ADAMTS3: variants seen among roughly 807,000 people sequenced by gnomAD.
The protein encoded by ADAMTS3 is A disintegrin and metalloproteinase with thrombospondin motifs 3.
ADAMTS3 carries 73 observed loss-of-function variants against 129.0 expected under a neutral mutation model. The ratio of observed to expected loss-of-function variants is 0.57; its 90% CI spans 0.47 to 0.69. The LOEUF is 0.69. Ranked by LOEUF, ADAMTS3 falls within the 30% of genes least tolerant of loss-of-function variation. The probability of loss-of-function intolerance (pLI) is 0.00; values close to 1 mark genes in which losing one functional copy is unlikely to be tolerated. For missense variants in ADAMTS3, 1,457 were observed against 1,514.5 expected, an observed-to-expected ratio of 0.96 and a Z score of 0.63; for synonymous variants, 477 against 510.8, an observed-to-expected ratio of 0.93 and a Z score of 0.89.
At chr4:72,357,416 C>T (rs1720607857) in intron 4 of ADAMTS3, among the ~76,000 whole-genome samples, 1 of 151,826 alleles carries the variant, frequency 6.6e-6, no homozygotes, top group Non-Finnish European at 1.5e-5. Context: ...TAATTTTAGA[C>T]AACCAACTAG....
At chr4:72,434,047 G>T (rs916722411) in intron 3 of ADAMTS3, among the ~76,000 whole-genome samples, 1 of 151,580 alleles carries the variant, frequency 6.6e-6, no homozygotes, top group African/African-American at 2.4e-5. Flanking sequence ...AAATATAAAT[G>T]GCAAGTCCCA....
At chr4:72,443,987 A>C (rs1718186435) in intron 3 of ADAMTS3, among the ~76,000 whole-genome samples, 1 of 151,690 alleles carries the variant, frequency 6.6e-6, no homozygotes, top group Non-Finnish European at 1.5e-5. Flanking sequence ...CAGACAAGTA[A>C]TCACCATAGT....
intron 4 of ADAMTS3, among the ~76,000 whole-genome samples, chr4:72,377,289 A>C (rs1721158242): frequency 6.6e-6 from 1 of 152,082 alleles, no homozygotes; most frequent in African/African-American, 2.4e-5. Context: ...ATCTACCCAA[A>C]TCTTTCCAAT....
At chr4:72,360,508 T>C (rs1164101799) in intron 4 of ADAMTS3, among the ~76,000 whole-genome samples, 1 of 151,460 alleles carries the variant, frequency 6.6e-6, no homozygotes, top group Non-Finnish European at 1.5e-5. Context: ...GTAAAGACAC[T>C]TTTTATGAGA....
At chr4:72,508,212 T>A (rs573659647) in intron 3 of ADAMTS3, among the ~76,000 whole-genome samples, 3 of 152,272 alleles carry the variant, frequency 2.0e-5, no homozygotes, top group Middle Eastern at 3.4e-3. Flanking sequence ...CTCCTCTCTA[T>A]AAATTACAGC....
intron 2 of ADAMTS3, among the ~76,000 whole-genome samples, chr4:72,566,229 G>T (rs1339810344): frequency 6.6e-6 from 1 of 152,132 alleles, no homozygotes; most frequent in Non-Finnish European, 1.5e-5. Flanking sequence ...GGAGCATTTT[G>T]ATATATGCTC....
intron 4 of ADAMTS3, among the ~76,000 whole-genome samples, chr4:72,380,258 G>T (rs928893558): frequency 2.6e-5 from 4 of 152,034 alleles, no homozygotes; most frequent in Admixed American, 2.0e-4. Flanking sequence ...GCTATTATGA[G>T]AGCAAAGACC....
chr4:72,294,619 T>A (rs1268002602), intron 19 of ADAMTS3, among the ~76,000 whole-genome samples: 2 of 151,986 alleles, frequency 1.3e-5, no homozygotes, highest in African/African-American at 4.8e-5. Context: ...AGCACAACGA[T>A]GAGTAAAAAT....
At chr4:72,520,225 G>A (rs529985199) in intron 3 of ADAMTS3, among the ~76,000 whole-genome samples, 2 of 152,190 alleles carry the variant, frequency 1.3e-5, no homozygotes, top group Admixed American at 6.5e-5. Flanking sequence ...GTACCCGGCC[G>A]TGTGAGGTGT....
chr4:72,522,492 G>A (rs1335612006), intron 3 of ADAMTS3, among the ~76,000 whole-genome samples: 1 of 152,142 alleles, frequency 6.6e-6, no homozygotes, highest in African/African-American at 2.4e-5. Context: ...AGAAAGAACA[G>A]TTAAGCGAGA....
intron 4 of ADAMTS3, among the ~76,000 whole-genome samples, chr4:72,372,534 ATATAT>A (rs1721035142): frequency 6.6e-6 from 1 of 152,064 alleles, no homozygotes; most frequent in African/African-American, 2.4e-5. Context: ...ACTGTACTAA[ATATAT>A]TAAGTAATAA....
chr4:72,349,951 C>T (rs1720385122), intron 4 of ADAMTS3, among the ~76,000 whole-genome samples: 2 of 151,990 alleles, frequency 1.3e-5, no homozygotes, highest in African/African-American at 4.8e-5. Flanking sequence ...GTTTTTATAT[C>T]ATACACAGTT....
At chr4:72,439,625 A>T (rs1324834265) in intron 3 of ADAMTS3, among the ~76,000 whole-genome samples, 1 of 151,680 alleles carries the variant, frequency 6.6e-6, no homozygotes, top group Non-Finnish European at 1.5e-5. Flanking sequence ...AATGTTATTT[A>T]AAAAAATCAC....
intron 3 of ADAMTS3, among the ~76,000 whole-genome samples, chr4:72,416,390 T>G (rs1722306198): frequency 6.6e-6 from 1 of 152,002 alleles, no homozygotes; most frequent in South Asian, 2.1e-4. Flanking sequence ...ACTTCTACGC[T>G]TGCCTTTATG....
At position 72,426,961 on chromosome 4, in the gene ADAMTS3, T is replaced by A. The variant is rs577120575; in HGVS notation, c.505-11990A>T. On this transcript the variant is annotated intron_variant, in intron 3 of 21. Transcript: ENST00000286657. ...CACTCTACTTCTTTCTAGGGTGATT[T>A]TTCCTAAAAATTAAATTAGGTGGGT... Among the ~76,000 whole-genome samples, 3 of 152,196 alleles carry A rather than the reference T, an allele frequency of 2.0e-5. No homozygotes were observed. In the South Asian group the frequency reaches 6.2e-4, roughly 32 times the overall value.
At chr4:72,409,586 T>G (rs1164728510) in intron 4 of ADAMTS3, among the ~76,000 whole-genome samples, 1 of 152,172 alleles carries the variant, frequency 6.6e-6, no homozygotes. Flanking sequence ...AGAGTTACAT[T>G]TGTAACACTT....
intron 3 of ADAMTS3, among the ~76,000 whole-genome samples, chr4:72,422,509 A>T (rs1937003288): frequency 6.6e-6 from 1 of 152,122 alleles, no homozygotes; most frequent in East Asian, 1.9e-4. Context: ...TTAATTCTTC[A>T]TATAGGCCCT....
rs374489616 is a variant in ADAMTS3, at chr4:72,348,554, C to A, written c.662-8861G>T. Among the ~76,000 whole-genome samples the A allele has an allele frequency of 1.8e-4, 27 of 152,114 alleles. No homozygotes were observed. The South Asian group carries it at 5.0e-3, about 28-fold the overall frequency. On this transcript the variant is annotated intron_variant, in intron 4 of 21. Transcript: ENST00000286657. ...CCTGCCCTAGTCCCAAGAACCTGTGCCTTTGATGAGGTATCATTCCTACGA... is the reference window on the plus strand; with the variant it reads ...CCTGCCCTAGTCCCAAGAACCTGTGACTTTGATGAGGTATCATTCCTACGA...
intron 3 of ADAMTS3, among the ~76,000 whole-genome samples, chr4:72,466,684 TA>T (rs1718929152): frequency 6.6e-6 from 1 of 152,038 alleles, no homozygotes; most frequent in Non-Finnish European, 1.5e-5. Context: ...AGGCTCCATG[TA>T]ATCTAATGTT....
Sources: gnomAD v4.1 joint callset for allele counts (sites outside exome capture counted in the v4.1 genomes callset) on GRCh38, gnomAD v4.1.1 for gene constraint, MANE v1.5 for transcripts, NCBI Gene and HGNC (gene_info 2026-07-23, HGNC 2026-07-21) for gene names.